Variants in ATXN1 observed in about 807,000 individuals in gnomAD.
ATXN1 encodes the protein ataxin 1, also known as ataxin-1.
ATXN1 carries 8 observed loss-of-function variants against 56.4 expected under a neutral mutation model. The observed-to-expected ratio is 0.14, with a 90% CI of 0.08 to 0.26. The LOEUF (loss-of-function observed/expected upper bound fraction) is 0.26, where lower values mean the gene tolerates loss of function less well. Among genes scored for constraint, ATXN1 ranks in the 10% least tolerant of loss-of-function variants. The pLI, the probability that ATXN1 is intolerant of heterozygous loss-of-function variation, is 1.00. For missense variants in ATXN1, 987 were observed against 1,106.5 expected (o/e 0.89, Z 1.53); for synonymous variants, 514 against 494.6 (o/e 1.04, Z -0.52).
chr6:16,459,419 G>A (rs991267278), intron 6 of ATXN1, among the ~76,000 whole-genome samples: 4 of 152,212 alleles, frequency 2.6e-5, no homozygotes, highest in African/African-American at 9.6e-5. Flanking sequence ...TCGAGGCTTA[G>A]TAAGAAAATG....
rs551275665 is a variant in ATXN1 at position 16,487,360 on chromosome 6, C to G, written c.-298-1251G>C. Among the ~76,000 whole-genome samples, 3 of 152,082 alleles carry G rather than the reference C, an allele frequency of 2.0e-5. No individual in the cohort carries two copies. The South Asian group carries it at 6.2e-4, about 32-fold the overall frequency. ...AAAACAAAAAAGAGTGGTCCTTTAT[C>G]TCTAAAAAAAGGCAAGAATGAATAA... On this transcript the variant is annotated intron_variant, in intron 5 of 7. Coordinates refer to ENST00000436367, the MANE Select transcript of ATXN1 (RefSeq NM_001128164.2).
intron 4 of ATXN1, among the ~76,000 whole-genome samples, chr6:16,533,194 G>A (rs1761537534): frequency 2.0e-5 from 3 of 152,084 alleles, no homozygotes; most frequent in African/African-American, 7.2e-5. Context: ...TTAAAAATGG[G>A]AAAAATGATG....
chr6:16,640,021 T>G (rs951343672), intron 3 of ATXN1, among the ~76,000 whole-genome samples: 4 of 152,184 alleles, frequency 2.6e-5, no homozygotes, highest in Non-Finnish European at 4.4e-5. Context: ...CAGGCGCATC[T>G]CATTTTATTG....
chr6:16,446,747 G>A (rs1342856793), intron 6 of ATXN1, among the ~76,000 whole-genome samples: 5 of 151,908 alleles, frequency 3.3e-5, no homozygotes. Context: ...ATATCCTGTT[G>A]GTGTCATCTA....
chr6:16,437,437 C>T (rs1054510974), intron 6 of ATXN1, among the ~76,000 whole-genome samples: 3 of 152,210 alleles, frequency 2.0e-5, no homozygotes, highest in African/African-American at 7.2e-5. Context: ...CAGATCTCAG[C>T]GCTCTTCCCC....
At chr6:16,502,373 G>A (rs1017128595) in intron 5 of ATXN1, among the ~76,000 whole-genome samples, 7 of 152,142 alleles carry the variant, frequency 4.6e-5, no homozygotes, top group African/African-American at 1.7e-4. Context: ...AATGATTTGT[G>A]CAGAAATTGT....
At chr6:16,487,877 A>C (rs1387383276) in intron 5 of ATXN1, among the ~76,000 whole-genome samples, 3 of 152,240 alleles carry the variant, frequency 2.0e-5, no homozygotes, top group Non-Finnish European at 4.4e-5. Flanking sequence ...AAAAATGAGC[A>C]GAAGTTAGCC....
chr6:16,347,855 C>T (rs936169501), intron 6 of ATXN1, among the ~76,000 whole-genome samples: 1 of 152,114 alleles, frequency 6.6e-6, no homozygotes, highest in Non-Finnish European at 1.5e-5. Flanking sequence ...TCTCCGATCC[C>T]TTTCCACACT....
At chr6:16,578,580 G>A (rs1351794768) in intron 4 of ATXN1, among the ~76,000 whole-genome samples, 2 of 152,150 alleles carry the variant, frequency 1.3e-5, no homozygotes, top group African/African-American at 4.8e-5. Flanking sequence ...CCAGCCCAAA[G>A]GGTGCTTTAA....
intron 2 of ATXN1, among the ~76,000 whole-genome samples, chr6:16,689,521 C>CTTTTTTTTTTTTTTTTTTTTCT (rs11374047): frequency 9.5e-6 from 1 of 105,206 alleles, no homozygotes; most frequent in Non-Finnish European, 1.9e-5. Context: ...TTTTTTTTTT[C>CTTTTTTTTTTTTTTTTTTTTCT]TTTTTTTTTT....
intron 2 of ATXN1, among the ~76,000 whole-genome samples, chr6:16,728,230 A>C (rs1317216420): frequency 3.9e-5 from 6 of 152,192 alleles, no homozygotes; most frequent in Non-Finnish European, 5.9e-5. Flanking sequence ...TAAGCCACAA[A>C]ATGAAGCAAT....
At chr6:16,561,452 T>G (rs569547947) in intron 4 of ATXN1, among the ~76,000 whole-genome samples, 1 of 152,320 alleles carries the variant, frequency 6.6e-6, no homozygotes, top group East Asian at 1.9e-4. Flanking sequence ...AATGGGACAT[T>G]CACCAACAAG....
chr6:16,639,561 G>A (rs1227311832), intron 3 of ATXN1, among the ~76,000 whole-genome samples: 1 of 152,192 alleles, frequency 6.6e-6, no homozygotes, highest in East Asian at 1.9e-4. Flanking sequence ...TGATTCGCCT[G>A]CCTCAGCTTC....
chr6:16,753,990 G>C (rs1191210622), intron 1 of ATXN1: 1 of 152,276 alleles, frequency 6.6e-6, no homozygotes, highest in African/African-American at 2.4e-5. Flanking sequence ...TGATGAATGA[G>C]TGAATGTGTG....
At chr6:16,383,380 T>C (rs1758173676) in intron 6 of ATXN1, among the ~76,000 whole-genome samples, 1 of 152,214 alleles carries the variant, frequency 6.6e-6, no homozygotes. Flanking sequence ...TAGTTATATA[T>C]TTCCTATTTT....
At chr6:16,553,998 A>G (rs1195937118) in intron 4 of ATXN1, among the ~76,000 whole-genome samples, 2 of 152,242 alleles carry the variant, frequency 1.3e-5, no homozygotes, top group African/African-American at 4.8e-5. Flanking sequence ...AGGACAGGGC[A>G]GCACTGTGAG....
chr6:16,359,807 A>G (rs921318115), intron 6 of ATXN1, among the ~76,000 whole-genome samples: 1 of 152,178 alleles, frequency 6.6e-6, no homozygotes, highest in African/African-American at 2.4e-5. Flanking sequence ...CATCAGAAAA[A>G]TTGACACCCC....
intron 4 of ATXN1, among the ~76,000 whole-genome samples, chr6:16,538,523 C>T (rs969749166): frequency 6.6e-6 from 1 of 151,938 alleles, no homozygotes; most frequent in Non-Finnish European, 1.5e-5. Context: ...GGTTGGCGTG[C>T]TGCACCCATT....
At chr6:16,696,479 C>T (rs1479380830) in intron 2 of ATXN1, among the ~76,000 whole-genome samples, 1 of 152,170 alleles carries the variant, frequency 6.6e-6, no homozygotes, top group Non-Finnish European at 1.5e-5. Context: ...ATACATTTTA[C>T]AATGATTTCT....
Sources: allele counts gnomAD v4.1 joint callset (sites outside exome capture counted in the v4.1 genomes callset), GRCh38; gene constraint gnomAD v4.1.1; transcripts MANE v1.5; gene names NCBI Gene and HGNC (gene_info 2026-07-23, HGNC 2026-07-21).